PCDHA2: variants seen among roughly 807,000 people sequenced by gnomAD.
PCDHA2 encodes the protein protocadherin alpha 2.
PCDHA2 carries 58 observed loss-of-function variants against 66.0 expected under a neutral mutation model. The observed-to-expected ratio is 0.88, with a 90% CI of 0.71 to 1.09. The LOEUF is 1.09. PCDHA2 is among the 50% of genes least tolerant of loss of function. PCDHA2 has a pLI of 0.00. For missense variants in PCDHA2, 1,267 were observed against 1,242.3 expected (o/e 1.02, Z -0.30); for synonymous variants, 634 against 554.0 (o/e 1.14, Z -2.03).
intron 1 of PCDHA2, chr5:140,849,712 C>G (rs782768269): frequency 6.3e-7 from 1 of 1,598,502 alleles, no homozygotes; most frequent in Non-Finnish European, 8.6e-7. Context: ...AATTACTACT[C>G]GTTGGTGCTG....
chr5:140,948,349 T>C (rs1262551459), intron 1 of PCDHA2, among the ~76,000 whole-genome samples: 2 of 151,624 alleles, frequency 1.3e-5, no homozygotes, highest in African/African-American at 4.8e-5. Context: ...ATTTCTAACC[T>C]AATAAAATGA....
chr5:140,818,634 C>A (rs1380205811), intron 1 of PCDHA2, among the ~76,000 whole-genome samples: 1 of 152,108 alleles, frequency 6.6e-6, no homozygotes, highest in Non-Finnish European at 1.5e-5. Context: ...CCCAGGAGTT[C>A]AAGATGAGCC....
In PCDHA2 at chr5:140,796,787, C is replaced by A; in HGVS notation, c.1823C>A (p.Ser608Ter). ...GACTCAGGCTACAACGCGTGGCTTTCGTACGAGCTTCAGCTGGGTACTGGC... is the reference window on the plus strand; with the variant it reads ...GACTCAGGCTACAACGCGTGGCTTTAGTACGAGCTTCAGCTGGGTACTGGC... ...DADSGYNAWLSYELQLGTGSA... is the reference protein window; with the variant it reads ...DADSGYNAWL Residue 608 changes from serine (S) to a stop codon, truncating the protein, a stop_gained, in exon 1 of 4, where the codon TCG (serine) becomes TAG (stop). Coordinates refer to ENST00000526136, the MANE Select transcript of PCDHA2 (RefSeq NM_018905.3). LOFTEE classifies it high-confidence loss of function. 6.2e-7 allele frequency: 1 copy of A among 1,614,132 alleles called. No homozygotes were observed. The highest frequency in any genetic ancestry group is 2.2e-5 in the East Asian group (1 of 44,872).
At chr5:140,846,304 C>T (rs183413454) in intron 1 of PCDHA2, among the ~76,000 whole-genome samples, 1 of 148,754 alleles carries the variant, frequency 6.7e-6, no homozygotes, top group East Asian at 1.9e-4. Flanking sequence ...ATTAAGTAAA[C>T]CATTTATGTA....
chr5:140,926,199 G>C (rs541337659), intron 1 of PCDHA2, among the ~76,000 whole-genome samples: 1 of 151,790 alleles, frequency 6.6e-6, no homozygotes, highest in African/African-American at 2.4e-5. Context: ...CACTTCTTTC[G>C]GGGGGCTCCT....
intron 1 of PCDHA2, among the ~76,000 whole-genome samples, chr5:140,900,569 A>G (rs1166977648): frequency 2.6e-5 from 4 of 152,182 alleles, no homozygotes; most frequent in African/African-American, 9.7e-5. Context: ...GAGCCACGGC[A>G]CCGGCCCATT....
At chr5:140,850,731 G>A (rs1366939358) in intron 1 of PCDHA2, 3 of 1,597,906 alleles carry the variant, frequency 1.9e-6, no homozygotes, top group Non-Finnish European at 2.6e-6. Flanking sequence ...TAGCGCGGTG[G>A]GGAGTTGGTC....
chr5:140,923,396 T>C (rs2081343835), intron 1 of PCDHA2, among the ~76,000 whole-genome samples: 1 of 152,058 alleles, frequency 6.6e-6, no homozygotes, highest in Non-Finnish European at 1.5e-5. Context: ...GGCATGGTGG[T>C]GTGTGCCTAT....
At chr5:140,970,775 C>T (rs2096433002) in intron 1 of PCDHA2, among the ~76,000 whole-genome samples, 1 of 152,160 alleles carries the variant, frequency 6.6e-6, no homozygotes, top group Non-Finnish European at 1.5e-5. Context: ...GCTGTACATA[C>T]ATATTGTATG....
At chr5:140,828,367 C>T (rs782811756) in intron 1 of PCDHA2, 8 of 1,614,132 alleles carry the variant, frequency 5.0e-6, no homozygotes, top group Non-Finnish European at 6.8e-6. Context: ...GGATCGACCG[C>T]GAGGAGCTGT....
intron 3 of PCDHA2, among the ~76,000 whole-genome samples, chr5:140,985,779 G>A (rs2097170620): frequency 7.9e-6 from 1 of 126,148 alleles, no homozygotes; most frequent in Non-Finnish European, 1.6e-5. Flanking sequence ...TCGCTCTGTC[G>A]CCCAGGCTGG....
At chr5:140,877,656 C>G (rs782196097) in intron 1 of PCDHA2, 6 of 1,613,560 alleles carry the variant, frequency 3.7e-6, no homozygotes, top group Non-Finnish European at 5.1e-6. Flanking sequence ...CGCCGCCCAC[C>G]GTGAGCCGGT....
At chr5:140,868,071 TTTTA>T (rs2050265335) in intron 1 of PCDHA2, 1 of 152,116 alleles carries the variant, frequency 6.6e-6, no homozygotes. Flanking sequence ...TTCAGGGTGA[TTTTA>T]TTTATTTTAT....
chr5:140,862,997 G>T, intron 1 of PCDHA2: 1 of 549,924 alleles, frequency 1.8e-6, no homozygotes, highest in Non-Finnish European at 3.6e-6. Context: ...GCGCACGGTG[G>T]ACTCCAGCTA....
At chr5:140,805,442 T>C (rs1044859925) in intron 1 of PCDHA2, 1 of 1,036,654 alleles carries the variant, frequency 9.6e-7, no homozygotes, top group Non-Finnish European at 1.2e-6. Context: ...GGTTTTTGTG[T>C]GTGTGTGTTT....
At chr5:140,876,143 G>A in intron 1 of PCDHA2, 1 of 1,613,870 alleles carries the variant, frequency 6.2e-7, no homozygotes, top group South Asian at 1.1e-5. Flanking sequence ...GAACTAACAG[G>A]GTCTGTCCAG....
Position 141,011,176 on chromosome 5 carries a change from A to G in PCDHA2, c.*1239A>G, listed in dbSNP as rs1198355681. On this transcript the variant is annotated 3_prime_UTR_variant, in exon 4 of 4. Coordinates refer to ENST00000526136, the MANE Select transcript of PCDHA2 (RefSeq NM_018905.3). The stretch of plus-strand genomic sequence containing the variant: ...ACCAACTATATATCAAGACCCAAAA[A>G]TTGAAGAAAAATATTGTTTTCTCAT... 1 of 153,724 alleles carries G rather than the reference A, an allele frequency of 6.5e-6. No homozygotes were observed. The highest frequency in any genetic ancestry group is 1.5e-5 in the Non-Finnish European group (1 of 68,024). The allele number at this position is 153,724 out of a possible 1,614,324, so 9.5% of individuals were successfully genotyped here.
chr5:140,884,172 G>T lies in PCDHA2; in HGVS notation c.2388+86820G>T, dbSNP rs142435897. ...TACACTGGCGAGATCAGCACGACGCGCCCTCTGGACGAGGTGGACGCGCCG... is the reference window on the plus strand; with the variant it reads ...TACACTGGCGAGATCAGCACGACGCTCCCTCTGGACGAGGTGGACGCGCCG... On this transcript the variant is annotated intron_variant, in intron 1 of 3. Transcript: ENST00000526136. 84 of 1,613,386 alleles carry T rather than the reference G, an allele frequency of 5.2e-5. No homozygotes were observed. In the African/African-American group the frequency reaches 9.2e-4, roughly 18 times the overall value.
rs2150340110 is a variant in PCDHA2, at chr5:140,842,596, A to G, written c.2388+45244A>G. On this transcript the variant is annotated intron_variant, in intron 1 of 3. Coordinates refer to ENST00000526136, the MANE Select transcript of PCDHA2 (RefSeq NM_018905.3). ...GAGTGTCGGCCTATGAGTTGGTGGTAACCGCGCGGGACGGGGGCTCGCCTT... is the reference window on the plus strand; with the variant it reads ...GAGTGTCGGCCTATGAGTTGGTGGTGACCGCGCGGGACGGGGGCTCGCCTT... 5.2e-6 allele frequency: 8 copies of G among 1,537,682 alleles called. 1 individual carries two copies. Among genetic ancestry groups the G allele is most frequent in the South Asian group, 3.4e-5 (3 of 88,884 alleles).
Sources: allele counts gnomAD v4.1 joint callset (sites outside exome capture counted in the v4.1 genomes callset), GRCh38; gene constraint gnomAD v4.1.1; transcripts MANE v1.5; gene names NCBI Gene and HGNC (gene_info 2026-07-23, HGNC 2026-07-21).